Variants in CNTNAP2 observed in about 807,000 individuals in gnomAD.
CNTNAP2 encodes contactin-associated protein-like 2.
Under a neutral mutation model 155.2 loss-of-function variants are expected in CNTNAP2, and 98 were observed. The observed-to-expected ratio is 0.63, with a 90% CI of 0.54 to 0.75. CNTNAP2 has a LOEUF of 0.75. Ranked by LOEUF, CNTNAP2 falls within the 30% of genes least tolerant of loss-of-function variation. The pLI, the probability that CNTNAP2 is intolerant of heterozygous loss-of-function variation, is 0.00. For synonymous variants in CNTNAP2, 651 were observed against 631.2 expected (o/e 1.03, Z -0.47); for missense variants, 1,727 against 1,688.1 (o/e 1.02, Z -0.40).
chr7:148,061,950 CAGAT>C (rs1161451924), intron 15 of CNTNAP2, among the ~76,000 whole-genome samples: 1 of 104,334 alleles, frequency 9.6e-6, no homozygotes, highest in Non-Finnish European at 1.9e-5. Flanking sequence ...GATAGATAAA[CAGAT>C]ATAGATAGAT....
At chr7:148,191,467 G>A (rs1340358528) in intron 18 of CNTNAP2, among the ~76,000 whole-genome samples, 7 of 152,132 alleles carry the variant, frequency 4.6e-5, no homozygotes, top group South Asian at 2.1e-4. Context: ...TGATAGCAGC[G>A]CCAAATAGAC....
chr7:146,248,625 T>C (rs1191484184), intron 1 of CNTNAP2, among the ~76,000 whole-genome samples: 1 of 151,854 alleles, frequency 6.6e-6, no homozygotes, highest in East Asian at 1.9e-4. Flanking sequence ...GGTTGAGGGA[T>C]GGTGAGGGAG....
intron 13 of CNTNAP2, among the ~76,000 whole-genome samples, chr7:147,885,580 GTCTC>G (rs1799589199): frequency 1.3e-5 from 2 of 151,816 alleles, no homozygotes; most frequent in African/African-American, 2.4e-5. Flanking sequence ...TGGCTGGTCT[GTCTC>G]TCTCTCCTTA....
intron 8 of CNTNAP2, among the ~76,000 whole-genome samples, chr7:147,169,347 A>C (rs546340962): frequency 6.6e-6 from 1 of 152,308 alleles, no homozygotes; most frequent in East Asian, 1.9e-4. Context: ...ATATTGCATG[A>C]TGCTGAGGAT....
At chr7:147,675,226 A>C (rs1378629587) in intron 13 of CNTNAP2, among the ~76,000 whole-genome samples, 1 of 151,978 alleles carries the variant, frequency 6.6e-6, no homozygotes, top group Non-Finnish European at 1.5e-5. Flanking sequence ...CAGTGTCTCA[A>C]ATCAAATCTC....
intron 13 of CNTNAP2, among the ~76,000 whole-genome samples, chr7:147,781,584 G>A (rs1026620312): frequency 2.0e-5 from 3 of 152,160 alleles, no homozygotes; most frequent in Non-Finnish European, 4.4e-5. Flanking sequence ...TATACTTAAT[G>A]AATGACTTTG....
At position 147,444,079 on chromosome 7, in the gene CNTNAP2, C is replaced by T. The variant is rs530600039; in HGVS notation, c.1671-41856C>T. Among the ~76,000 whole-genome samples, 3 of 152,202 alleles carry T rather than the reference C, an allele frequency of 2.0e-5. No homozygotes were observed. The South Asian group carries it at 6.2e-4, about 32-fold the overall frequency. ...ATCAGTCACTTAAAAGAACAGACACCCAAAGGCAAGGGCATTAATCATCTG... is the reference window on the plus strand; with the variant it reads ...ATCAGTCACTTAAAAGAACAGACACTCAAAGGCAAGGGCATTAATCATCTG... On this transcript the variant is annotated intron_variant, in intron 10 of 23. Transcript: ENST00000361727.
At chr7:146,322,026 G>C (rs1801012604) in intron 1 of CNTNAP2, among the ~76,000 whole-genome samples, 1 of 152,134 alleles carries the variant, frequency 6.6e-6, no homozygotes, top group African/African-American at 2.4e-5. Flanking sequence ...ACAGGTCATG[G>C]ACCTTGGAGT....
chr7:147,458,741 G>C (rs1797965348), intron 10 of CNTNAP2, among the ~76,000 whole-genome samples: 1 of 152,170 alleles, frequency 6.6e-6, no homozygotes, highest in South Asian at 2.1e-4. Flanking sequence ...ATTTATCCCA[G>C]AAAACAGATT....
At chr7:146,485,016 C>T (rs149903043) in intron 1 of CNTNAP2, among the ~76,000 whole-genome samples, 5 of 152,024 alleles carry the variant, frequency 3.3e-5, no homozygotes, top group Non-Finnish European at 5.9e-5. Flanking sequence ...GTGTTATGTA[C>T]GAAAAAGAGC....
At chr7:147,957,242 A>T (rs1281677415) in intron 14 of CNTNAP2, among the ~76,000 whole-genome samples, 1 of 152,192 alleles carries the variant, frequency 6.6e-6, no homozygotes, top group African/African-American at 2.4e-5. Flanking sequence ...GGTTTTGCTG[A>T]CAAATACGAT....
In CNTNAP2 at chr7:147,612,913, T is replaced by C. The variant is rs189916938; in HGVS notation, c.1898-26193T>C. Among the ~76,000 whole-genome samples the C allele has an allele frequency of 1.5e-3, 230 of 152,306 alleles. 2 individuals carry two copies. The highest frequency in any genetic ancestry group is 7.2e-3 in the Admixed American group (110 of 15,298). On this transcript the variant is annotated intron_variant, in intron 12 of 23. Transcript: ENST00000361727. ...TTTCAAATATTTTATAACAATTGTA[T>C]AACCATAGCTCAACTTATTTTCCAC...
At chr7:147,511,148 A>G (rs1033337844) in intron 11 of CNTNAP2, among the ~76,000 whole-genome samples, 1 of 151,882 alleles carries the variant, frequency 6.6e-6, no homozygotes, top group African/African-American at 2.4e-5. Flanking sequence ...GAATTAAGCT[A>G]TTGTGTCGGT....
intron 1 of CNTNAP2, among the ~76,000 whole-genome samples, chr7:146,276,127 C>A (rs188958402): frequency 3.9e-5 from 6 of 152,214 alleles, no homozygotes; most frequent in Non-Finnish European, 7.4e-5. Flanking sequence ...TATTAATTTG[C>A]AATGATAGCT....
chr7:147,679,431 G>A (rs1202589701), intron 13 of CNTNAP2, among the ~76,000 whole-genome samples: 4 of 151,896 alleles, frequency 2.6e-5, no homozygotes, highest in Admixed American at 1.3e-4. Context: ...ACAAAAAAGT[G>A]TCTAAAGTTT....
chr7:148,402,289 C>A (rs559169717), intron 22 of CNTNAP2, among the ~76,000 whole-genome samples: 2 of 151,874 alleles, frequency 1.3e-5, no homozygotes, highest in East Asian at 3.9e-4. Flanking sequence ...ATCACCTTCC[C>A]CTGTTTGAAA....
chr7:146,895,706 T>C (rs942630025), intron 3 of CNTNAP2, among the ~76,000 whole-genome samples: 1 of 152,138 alleles, frequency 6.6e-6, no homozygotes. Flanking sequence ...CATGGACACA[T>C]AACTTCTCCG....
intron 13 of CNTNAP2, among the ~76,000 whole-genome samples, chr7:147,757,062 G>A (rs1163922172): frequency 1.3e-5 from 2 of 152,140 alleles, no homozygotes; most frequent in African/African-American, 4.8e-5. Context: ...TGAGACCGAT[G>A]GAATAATGTC....
chr7:146,491,220 A>G (rs1584949297), intron 1 of CNTNAP2, among the ~76,000 whole-genome samples: 1 of 152,180 alleles, frequency 6.6e-6, no homozygotes, highest in East Asian at 1.9e-4. Flanking sequence ...AGTGGCATTC[A>G]GAGCATAGAA....
Sources: allele counts gnomAD v4.1 joint callset (sites outside exome capture counted in the v4.1 genomes callset), GRCh38; gene constraint gnomAD v4.1.1; transcripts MANE v1.5; gene names NCBI Gene and HGNC (gene_info 2026-07-23, HGNC 2026-07-21).